The following DLGAP2 variants were observed in gnomAD, a reference collection of about 807,000 sequenced individuals.
DLGAP2 encodes the protein DLG associated protein 2, also known as disks large-associated protein 2.
Under a neutral mutation model 100.3 loss-of-function variants are expected in DLGAP2, and 26 were observed. That is an observed-to-expected ratio of 0.26 (90% CI 0.19 to 0.36). The LOEUF (loss-of-function observed/expected upper bound fraction) is 0.36, where lower values mean the gene tolerates loss of function less well. DLGAP2 is among the 10% of genes least tolerant of loss of function. The probability of loss-of-function intolerance (pLI) is 1.00; values close to 1 mark genes in which losing one functional copy is unlikely to be tolerated. For missense variants in DLGAP2, 1,858 were observed against 1,453.2 expected, an observed-to-expected ratio of 1.28 and a Z score of -4.53; for synonymous variants, 886 against 630.1, an observed-to-expected ratio of 1.41 and a Z score of -6.08.
chr8:1,185,284 G>T (rs142135735), intron 2 of DLGAP2, among the ~76,000 whole-genome samples: 1 of 152,192 alleles, frequency 6.6e-6, no homozygotes, highest in African/African-American at 2.4e-5. Context: ...CAAACTTCAG[G>T]GCTGTGGTGC....
chr8:876,592 T>C (rs1166724120), intron 1 of DLGAP2, among the ~76,000 whole-genome samples: 1 of 152,256 alleles, frequency 6.6e-6, no homozygotes, highest in Non-Finnish European at 1.5e-5. Flanking sequence ...TCAGTATTTG[T>C]ACTGTGACTT....
At chr8:1,231,598 G>C (rs1209310570) in intron 2 of DLGAP2, among the ~76,000 whole-genome samples, 1 of 152,206 alleles carries the variant, frequency 6.6e-6, no homozygotes, top group Non-Finnish European at 1.5e-5. Flanking sequence ...ATGCAACACA[G>C]GTGGACTGGA....
intron 7 of DLGAP2, among the ~76,000 whole-genome samples, chr8:1,627,143 G>A (rs1298348665): frequency 6.6e-6 from 1 of 152,224 alleles, no homozygotes; most frequent in Non-Finnish European, 1.5e-5. Flanking sequence ...CCAAAAGGGT[G>A]GTCATCCTGG....
intron 2 of DLGAP2, among the ~76,000 whole-genome samples, chr8:972,891 C>T (rs1346683337): frequency 1.3e-5 from 2 of 152,176 alleles, no homozygotes; most frequent in Non-Finnish European, 2.9e-5. Flanking sequence ...ATCCATTTAA[C>T]CCTGAGTGGA....
intron 3 of DLGAP2, among the ~76,000 whole-genome samples, chr8:1,294,401 C>T (rs1800125385): frequency 6.6e-6 from 1 of 152,132 alleles, no homozygotes; most frequent in South Asian, 2.1e-4. Flanking sequence ...GTTTTGGTGT[C>T]TCCTGTTTGA....
At chr8:983,739 C>G (rs1046383758) in intron 2 of DLGAP2, among the ~76,000 whole-genome samples, 1 of 152,038 alleles carries the variant, frequency 6.6e-6, no homozygotes, top group African/African-American at 2.4e-5. Context: ...ACCTCCCAGG[C>G]TCAAGCAATC....
chr8:1,031,389 AT>A (rs994914726), intron 2 of DLGAP2, among the ~76,000 whole-genome samples: 115 of 147,872 alleles, frequency 7.8e-4, no homozygotes, highest in South Asian at 1.5e-3. Flanking sequence ...CTTGCACTTT[AT>A]TTTTTTTTTT....
At chr8:1,276,696 A>T (rs1441778871) in intron 3 of DLGAP2, among the ~76,000 whole-genome samples, 2 of 151,926 alleles carry the variant, frequency 1.3e-5, no homozygotes, top group African/African-American at 4.8e-5. Flanking sequence ...GTAGAACAAG[A>T]CACTCTTGTT....
At chr8:1,187,885 A>C (rs1797546298) in intron 2 of DLGAP2, among the ~76,000 whole-genome samples, 2 of 119,948 alleles carry the variant, frequency 1.7e-5, no homozygotes, top group East Asian at 2.4e-4. Context: ...GCCTCACGGA[A>C]TCTCACACGC....
chr8:1,608,735 T>C (rs1796903157), intron 6 of DLGAP2, among the ~76,000 whole-genome samples: 1 of 145,720 alleles, frequency 6.9e-6, no homozygotes, highest in African/African-American at 2.5e-5. Flanking sequence ...GAGAACTACG[T>C]GAAGAATGCA....
chr8:1,344,738 G>A (rs773232526), intron 3 of DLGAP2, among the ~76,000 whole-genome samples: 3 of 152,168 alleles, frequency 2.0e-5, no homozygotes, highest in Non-Finnish European at 2.9e-5. Flanking sequence ...CGCTGTGCTC[G>A]GCTCCATTTT....
At chr8:1,470,659 C>T (rs947923127) in intron 3 of DLGAP2, among the ~76,000 whole-genome samples, 5 of 152,112 alleles carry the variant, frequency 3.3e-5, no homozygotes, top group African/African-American at 1.2e-4. Context: ...AATCTCTCGG[C>T]ACAATCCTAC....
At chr8:943,219 T>C (rs1452075303) in intron 2 of DLGAP2, among the ~76,000 whole-genome samples, 1 of 152,180 alleles carries the variant, frequency 6.6e-6, no homozygotes. Flanking sequence ...AGACACAGGA[T>C]GGCCACTTTT....
intron 2 of DLGAP2, among the ~76,000 whole-genome samples, chr8:1,151,858 G>C (rs928104908): frequency 6.6e-6 from 1 of 152,152 alleles, no homozygotes; most frequent in Non-Finnish European, 1.5e-5. Context: ...TATTCCATTA[G>C]AACAAACTAT....
intron 3 of DLGAP2, among the ~76,000 whole-genome samples, chr8:1,304,386 G>A (rs1440280556): frequency 6.6e-6 from 1 of 152,234 alleles, no homozygotes; most frequent in African/African-American, 2.4e-5. Context: ...GGAATTTCAA[G>A]TGCCCAGGTT....
At chr8:778,596 T>G (rs543684961) in intron 1 of DLGAP2, among the ~76,000 whole-genome samples, 22 of 152,294 alleles carry the variant, frequency 1.4e-4, no homozygotes, top group African/African-American at 4.8e-4. Flanking sequence ...TCTTTTGGAG[T>G]ACCCTGCCCT....
At chr8:1,343,181 G>A (rs1321307361) in intron 3 of DLGAP2, among the ~76,000 whole-genome samples, 2 of 152,184 alleles carry the variant, frequency 1.3e-5, no homozygotes, top group Non-Finnish European at 2.9e-5. Flanking sequence ...ACACAGAAAA[G>A]CAGTGTGCAT....
chr8:1,669,667 G>C (rs1751419776), intron 9 of DLGAP2, 76 bp from the exon 10 acceptor site: 2 of 778,608 alleles, frequency 2.6e-6, no homozygotes, highest in Non-Finnish European at 2.4e-6. Flanking sequence ...TGCGGGCGGA[G>C]AGAGCAGGGG....
intron 2 of DLGAP2, among the ~76,000 whole-genome samples, chr8:1,049,986 A>G (rs1802629560): frequency 6.6e-6 from 1 of 152,220 alleles, no homozygotes; most frequent in African/African-American, 2.4e-5. Context: ...ACGTGTATGC[A>G]CATGCACAGG....
Sources: allele counts gnomAD v4.1 joint callset (sites outside exome capture counted in the v4.1 genomes callset), GRCh38; gene constraint gnomAD v4.1.1; transcripts MANE v1.5; gene names NCBI Gene and HGNC (gene_info 2026-07-23, HGNC 2026-07-21).